Variants in ATP6V1C2 observed in about 807,000 individuals in gnomAD.
ATP6V1C2 encodes ATPase H+ transporting V1 subunit C2.
Under a neutral mutation model 56.8 loss-of-function variants are expected in ATP6V1C2, and 45 were observed. The observed-to-expected ratio is 0.79, with a 90% CI of 0.62 to 1.02. ATP6V1C2 has a LOEUF of 1.02. ATP6V1C2 is among the 50% of genes least tolerant of loss of function. The pLI is 0.00. For missense variants in ATP6V1C2, 463 were observed against 519.7 expected (o/e 0.89, Z 1.06); for synonymous variants, 220 against 201.3 (o/e 1.09, Z -0.79).
At chr2:10,776,347 C>T (rs1241342827) in intron 10 of ATP6V1C2, among the ~76,000 whole-genome samples, 2 of 152,132 alleles carry the variant, frequency 1.3e-5, no homozygotes, top group African/African-American at 4.8e-5. Flanking sequence ...AGACACACCT[C>T]AGAGCCAGAC....
chr2:10,773,858 A>G (rs932754850), intron 8 of ATP6V1C2, among the ~76,000 whole-genome samples: 1 of 152,232 alleles, frequency 6.6e-6, no homozygotes, highest in Non-Finnish European at 1.5e-5. Context: ...TCCCAGGGCT[A>G]CGAGATGGCA....
At chr2:10,783,049 G>A (rs1202441008) in intron 13 of ATP6V1C2, 125 bp from the exon 14 acceptor site, 3 of 659,614 alleles carry the variant, frequency 4.5e-6, no homozygotes, top group African/African-American at 3.7e-5. Context: ...GAGGGTTGGA[G>A]GGGTGGACCA....
chr2:10,780,767 A>G lies in ATP6V1C2; in HGVS notation c.1062-1476A>G, dbSNP rs1665299705. On this transcript the variant is annotated intron_variant, in intron 12 of 13. Transcript: ENST00000272238. This position sits in a 1 kb window ranked among gnomAD's most constrained non-coding sequence, Gnocchi z 4.1. Reference sequence around the variant, plus strand: ...TGGGGTCCTTTTTTTTTTTTTTGAGATGGACTCTTGCTGTCGCCTAGGCTG... The same window carrying G: ...TGGGGTCCTTTTTTTTTTTTTTGAGGTGGACTCTTGCTGTCGCCTAGGCTG... Among the ~76,000 whole-genome samples, 1 of 146,440 alleles carries G rather than the reference A, an allele frequency of 6.8e-6. No individual in the cohort carries two copies. Among genetic ancestry groups the G allele is most frequent in the South Asian group, 2.2e-4 (1 of 4,604 alleles).
At chr2:10,759,662 C>G (rs1053911494) in intron 4 of ATP6V1C2, among the ~76,000 whole-genome samples, 1 of 152,096 alleles carries the variant, frequency 6.6e-6, no homozygotes, top group Non-Finnish European at 1.5e-5. Flanking sequence ...CAGCAGAGGG[C>G]AAGCTGTGGT....
At chr2:10,768,933 C>T (rs1664405318) in intron 6 of ATP6V1C2, 123 bp downstream of exon 6, 1 of 748,706 alleles carries the variant, frequency 1.3e-6, no homozygotes, top group Middle Eastern at 3.8e-4. Context: ...GACAGACAGA[C>T]AGGTGGAGGC....
At chr2:10,774,042 C>T (rs1664800510) in intron 8 of ATP6V1C2, among the ~76,000 whole-genome samples, 1 of 152,250 alleles carries the variant, frequency 6.6e-6, no homozygotes, top group South Asian at 2.1e-4. Context: ...CTTGACAGGG[C>T]CGGCTGCCTT....
intron 3 of ATP6V1C2, among the ~76,000 whole-genome samples, chr2:10,738,142 T>C (rs1469682578): frequency 6.6e-6 from 1 of 152,212 alleles, no homozygotes; most frequent in Admixed American, 6.5e-5. Context: ...AGAATATTGT[T>C]GTTTGAAGAG....
At chr2:10,768,579 G>A in intron 5 of ATP6V1C2, 140 bp from the exon 6 acceptor site, 1 of 694,920 alleles carries the variant, frequency 1.4e-6, no homozygotes, top group South Asian at 1.8e-5. Flanking sequence ...CCAAATGCTG[G>A]TAAACAGAAG....
intron 12 of ATP6V1C2, among the ~76,000 whole-genome samples, chr2:10,781,346 C>T (rs185944670): frequency 2.0e-5 from 3 of 152,086 alleles, no homozygotes; most frequent in East Asian, 1.9e-4. Flanking sequence ...GTGGTGGTGG[C>T]GGGCGCCTGT....
intron 2 of ATP6V1C2, among the ~76,000 whole-genome samples, chr2:10,723,825 G>A (rs1388365717): frequency 4.6e-5 from 6 of 131,494 alleles, no homozygotes; most frequent in African/African-American, 1.1e-4. Context: ...GGTGAACGGC[G>A]AGACTCTGTC....
At chr2:10,764,649 C>G (rs114565710) in intron 5 of ATP6V1C2, among the ~76,000 whole-genome samples, 1,602 of 152,360 alleles carry the variant, frequency 0.011, 25 homozygotes, top group African/African-American at 0.034. Flanking sequence ...AGCACCCATT[C>G]ACTTGCTGCT....
intron 3 of ATP6V1C2, among the ~76,000 whole-genome samples, chr2:10,732,768 C>T (rs374600474): frequency 7.3e-5 from 11 of 151,644 alleles, no homozygotes; most frequent in Admixed American, 2.0e-4. Flanking sequence ...GTCAAGAGAT[C>T]GAGACCATCC....
intron 3 of ATP6V1C2, among the ~76,000 whole-genome samples, chr2:10,753,634 C>A (rs978552265): frequency 6.6e-6 from 1 of 151,430 alleles, no homozygotes; most frequent in Non-Finnish European, 1.5e-5. Context: ...CGGGTTCAAG[C>A]GATTCTCCTG....
At chr2:10,769,787 G>A (rs917280006) in intron 6 of ATP6V1C2, among the ~76,000 whole-genome samples, 1 of 152,174 alleles carries the variant, frequency 6.6e-6, no homozygotes, top group Non-Finnish European at 1.5e-5. Flanking sequence ...ACAGGGTGGG[G>A]TGGGGTTGGC....
intron 6 of ATP6V1C2, among the ~76,000 whole-genome samples, chr2:10,770,769 C>T (rs1296439400): frequency 2.0e-5 from 3 of 152,222 alleles, no homozygotes; most frequent in African/African-American, 4.8e-5. Context: ...GAGGGATGAA[C>T]GTTTCTAACT....
rs553891553 is a variant in ATP6V1C2, at chr2:10,776,357, C to T, written c.826-1228C>T. On this transcript the variant is annotated intron_variant, in intron 10 of 13. Coordinates refer to ENST00000272238, the MANE Select transcript of ATP6V1C2 (RefSeq NM_001039362.2). ...AAGTGAGACACACCTCAGAGCCAGA[C>T]GCTGCTGGGCTCCGGCTGAGCCTGC... 1.5e-3 allele frequency among the ~76,000 whole-genome samples: 232 copies of T among 152,232 alleles called. 1 individual carries two copies. Among genetic ancestry groups the T allele is most frequent in the African/African-American group, 4.9e-3 (205 of 41,546 alleles).
At chr2:10,721,973 A>G (rs1661390502) in intron 1 of ATP6V1C2, among the ~76,000 whole-genome samples, 1 of 152,164 alleles carries the variant, frequency 6.6e-6, no homozygotes, top group South Asian at 2.1e-4. Context: ...GGGTTAGGAG[A>G]GAACAAAATG....
intron 3 of ATP6V1C2, among the ~76,000 whole-genome samples, chr2:10,745,041 C>CTTTTTTTTTTTTTTTT (rs5829274): frequency 1.8e-5 from 2 of 113,314 alleles, no homozygotes; most frequent in African/African-American, 3.4e-5. Flanking sequence ...TATTTATTTT[C>CTTTTTTTTTTTTTTTT]TTTTTTTTTT....
At chr2:10,749,664 A>G (rs1663105098) in intron 3 of ATP6V1C2, among the ~76,000 whole-genome samples, 1 of 152,162 alleles carries the variant, frequency 6.6e-6, no homozygotes, top group South Asian at 2.1e-4. Context: ...AAATGTTCAT[A>G]TTCTTAATTC....
Sources: gnomAD v4.1 joint callset for allele counts (sites outside exome capture counted in the v4.1 genomes callset) on GRCh38, gnomAD v4.1.1 for gene constraint, Gnocchi (gnomAD v3.1) non-coding constraint, MANE v1.5 for transcripts, NCBI Gene and HGNC (gene_info 2026-07-23, HGNC 2026-07-21) for gene names.